The following CRIM1 variants were observed in gnomAD, a reference collection of about 807,000 sequenced individuals.
The protein encoded by CRIM1 is cysteine rich transmembrane BMP regulator 1, also known as cysteine-rich motor neuron 1 protein.
CRIM1 carries 32 observed loss-of-function variants against 116.4 expected under a neutral mutation model. That is an observed-to-expected ratio of 0.27 (90% CI 0.21 to 0.37). CRIM1 has a LOEUF of 0.37. Ranked by LOEUF, CRIM1 falls within the 10% of genes least tolerant of loss-of-function variation. CRIM1 has a pLI of 1.00. For synonymous variants in CRIM1, 590 were observed against 509.2 expected (o/e 1.16, Z -2.13); for missense variants, 1,331 against 1,354.8 (o/e 0.98, Z 0.28).
intron 2 of CRIM1, among the ~76,000 whole-genome samples, chr2:36,429,308 A>C (rs577594404): frequency 9.2e-4 from 140 of 152,280 alleles, no homozygotes; most frequent in Middle Eastern, 3.4e-3. Flanking sequence ...AGAATCCTGG[A>C]ATATGGGAGC....
At chr2:36,504,096 A>T (rs987905853) in intron 8 of CRIM1, among the ~76,000 whole-genome samples, 1 of 151,874 alleles carries the variant, frequency 6.6e-6, no homozygotes, top group African/African-American at 2.4e-5. Context: ...CAGGTCACGA[A>T]CTCCTGGCGT....
intron 1 of CRIM1, among the ~76,000 whole-genome samples, chr2:36,379,465 A>T (rs1414866081): frequency 6.6e-6 from 1 of 152,240 alleles, no homozygotes; most frequent in African/African-American, 2.4e-5. Flanking sequence ...GCTGGGGTAC[A>T]AAAATCAGGC....
At chr2:36,519,730 C>G (rs576561251) in intron 12 of CRIM1, among the ~76,000 whole-genome samples, 5 of 152,304 alleles carry the variant, frequency 3.3e-5, no homozygotes, top group South Asian at 2.1e-4. Flanking sequence ...TCCCTCTTCT[C>G]TGGCCTGGTT....
At chr2:36,379,937 A>C (rs1670612647) in intron 1 of CRIM1, among the ~76,000 whole-genome samples, 2 of 150,228 alleles carry the variant, frequency 1.3e-5, no homozygotes. Context: ...TTATGGGAGG[A>C]ATGTAGACAT....
At chr2:36,444,441 G>A (rs965960113) in intron 4 of CRIM1, among the ~76,000 whole-genome samples, 4 of 152,212 alleles carry the variant, frequency 2.6e-5, no homozygotes, top group African/African-American at 9.7e-5. Context: ...TACAAGAATT[G>A]TATTAGGTTG....
chr2:36,512,694 A>T (rs566611696), intron 10 of CRIM1, among the ~76,000 whole-genome samples: 1 of 152,230 alleles, frequency 6.6e-6, no homozygotes, highest in Non-Finnish European at 1.5e-5. Context: ...CTGAACCTCT[A>T]TAGAGCTTCT....
rs1242428696 is a variant in CRIM1 at position 36,393,471 on chromosome 2, ATG to A, written c.332-3137_332-3136del. On this transcript the variant is annotated intron_variant, in intron 1 of 16. Coordinates refer to ENST00000280527, the MANE Select transcript of CRIM1 (RefSeq NM_016441.3). ...TGCATTGACCATACCAGTGACATAT[ATG>A]TGTGTCTATATACACATATATGTAT... Among the ~76,000 whole-genome samples, 3 of 152,096 alleles carry A rather than the reference ATG, an allele frequency of 2.0e-5. No homozygotes were observed. The East Asian group carries it at 5.8e-4, about 29-fold the overall frequency.
chr2:36,478,028 C>G (rs191771511), intron 6 of CRIM1, among the ~76,000 whole-genome samples: 1 of 152,164 alleles, frequency 6.6e-6, no homozygotes, highest in African/African-American at 2.4e-5. Context: ...TAATCTTATG[C>G]CTGATCTCTG....
intron 4 of CRIM1, 54 bp from the exon 5 acceptor site, chr2:36,464,480 C>G: frequency 1.2e-6 from 2 of 1,606,652 alleles, no homozygotes; most frequent in East Asian, 2.2e-5. Context: ...GGTCTCCCGA[C>G]TTCTATGTTG....
At chr2:36,442,081 G>C (rs1221263166) in intron 3 of CRIM1, among the ~76,000 whole-genome samples, 1 of 152,032 alleles carries the variant, frequency 6.6e-6, no homozygotes, top group Non-Finnish European at 1.5e-5. Flanking sequence ...ATGTACTGTT[G>C]TATCCCAGCT....
At chr2:36,425,960 T>G (rs969603135) in intron 2 of CRIM1, among the ~76,000 whole-genome samples, 1 of 152,228 alleles carries the variant, frequency 6.6e-6, no homozygotes, top group Non-Finnish European at 1.5e-5. Context: ...GGAAAATCAC[T>G]TAGCTGGTGA....
At chr2:36,478,539 T>A (rs1679162462) in intron 6 of CRIM1, among the ~76,000 whole-genome samples, 1 of 152,192 alleles carries the variant, frequency 6.6e-6, no homozygotes, top group Admixed American at 6.5e-5. Flanking sequence ...CTTGCTCAGG[T>A]CCATTGGCCG....
intron 8 of CRIM1, among the ~76,000 whole-genome samples, chr2:36,507,574 T>C (rs545890281): frequency 1.3e-4 from 20 of 152,328 alleles, no homozygotes; most frequent in African/African-American, 4.8e-4. Flanking sequence ...GAGCATAACA[T>C]GCAGGAGAAT....
At chr2:36,524,523 C>T (rs1325148753) in intron 13 of CRIM1, among the ~76,000 whole-genome samples, 1 of 152,040 alleles carries the variant, frequency 6.6e-6, no homozygotes, top group African/African-American at 2.4e-5. Flanking sequence ...ACCAGGGATA[C>T]TTATGTCATA....
chr2:36,388,494 T>C (rs576126650), intron 1 of CRIM1, among the ~76,000 whole-genome samples: 1 of 152,176 alleles, frequency 6.6e-6, no homozygotes, highest in South Asian at 2.1e-4. Context: ...AAGGATAAAG[T>C]CTAAAGGGGC....
At chr2:36,526,018 T>G (rs1665732032) in intron 13 of CRIM1, among the ~76,000 whole-genome samples, 1 of 152,198 alleles carries the variant, frequency 6.6e-6, no homozygotes, top group Non-Finnish European at 1.5e-5. Context: ...TAATAGGATA[T>G]GTAATATAGA....
chr2:36,365,408 T>C (rs183673742), intron 1 of CRIM1, among the ~76,000 whole-genome samples: 1 of 152,320 alleles, frequency 6.6e-6, no homozygotes, highest in Admixed American at 6.5e-5. Context: ...CCAGGCCAGG[T>C]TGATATATCT....
chr2:36,550,426 T>A lies in CRIM1; in HGVS notation c.*1725T>A, dbSNP rs1196425203. ...CATTGAGTTTTCTTTTAAAAATGCT[T>A]GTTGTGAAAGACACAGATACCCAGT... On this transcript the variant is annotated 3_prime_UTR_variant, in exon 17 of 17. Coordinates refer to ENST00000280527, the MANE Select transcript of CRIM1 (RefSeq NM_016441.3). 6.6e-6 allele frequency: 1 copy of A among 152,288 alleles called. No homozygotes were observed. Among genetic ancestry groups the A allele is most frequent in the Non-Finnish European group, 1.5e-5 (1 of 68,012 alleles). 9.4% of individuals were successfully genotyped at this position (152,288 alleles called of 1,614,324 possible). A position where few individuals can be genotyped will look rare whatever the true frequency, so the allele number is the denominator to read the frequency against.
intron 7 of CRIM1, among the ~76,000 whole-genome samples, chr2:36,486,166 C>T (rs756898461): frequency 3.9e-5 from 6 of 152,192 alleles, no homozygotes; most frequent in Non-Finnish European, 7.3e-5. Flanking sequence ...TAATATATCA[C>T]TTTCAAGATT....
Sources: gnomAD v4.1 joint callset for allele counts (sites outside exome capture counted in the v4.1 genomes callset) on GRCh38, gnomAD v4.1.1 for gene constraint, MANE v1.5 for transcripts, NCBI Gene and HGNC (gene_info 2026-07-23, HGNC 2026-07-21) for gene names.